The following SLC41A2 variants were observed in gnomAD, a reference collection of about 807,000 sequenced individuals.
SLC41A2 encodes the protein solute carrier family 41 member 2, also known as SLC41A1-like 1.
Under a neutral mutation model 58.3 loss-of-function variants are expected in SLC41A2, and 32 were observed. The ratio of observed to expected loss-of-function variants is 0.55; its 90% CI spans 0.41 to 0.74. The LOEUF (loss-of-function observed/expected upper bound fraction) is 0.74. SLC41A2 is among the 30% of genes least tolerant of loss of function. SLC41A2 has a pLI of 0.00. For synonymous variants in SLC41A2, 190 were observed against 235.0 expected (o/e 0.81, Z 1.75); for missense variants, 514 against 680.6 (o/e 0.76, Z 2.72).
chr12:104,869,463 A>G (rs1482685801), intron 6 of SLC41A2, among the ~76,000 whole-genome samples: 1 of 152,224 alleles, frequency 6.6e-6, no homozygotes, highest in Non-Finnish European at 1.5e-5. Flanking sequence ...GAATCCAGAT[A>G]AAGAGTATGC....
chr12:104,824,478 C>T (rs1414098135), intron 10 of SLC41A2, among the ~76,000 whole-genome samples: 1 of 152,164 alleles, frequency 6.6e-6, no homozygotes, highest in Non-Finnish European at 1.5e-5. Context: ...CCTTCTGGCT[C>T]CCCCATCTGC....
intron 8 of SLC41A2, among the ~76,000 whole-genome samples, chr12:104,850,940 C>T (rs879752648): frequency 5.3e-5 from 8 of 152,292 alleles, no homozygotes; most frequent in South Asian, 4.1e-4. Context: ...GAGCTGTGTT[C>T]TCTGTAACAT....
intron 5 of SLC41A2, among the ~76,000 whole-genome samples, chr12:104,886,936 C>G (rs1024022669): frequency 6.6e-6 from 1 of 151,950 alleles, no homozygotes; most frequent in Non-Finnish European, 1.5e-5. Flanking sequence ...TATTAAGCAG[C>G]AGGACATAAT....
intron 6 of SLC41A2, among the ~76,000 whole-genome samples, chr12:104,884,565 G>A (rs1486476640): frequency 6.6e-6 from 1 of 152,046 alleles, no homozygotes; most frequent in Non-Finnish European, 1.5e-5. Context: ...ATGTTCCTGG[G>A]CAAACCCATA....
intron 8 of SLC41A2, among the ~76,000 whole-genome samples, chr12:104,860,212 A>G (rs2043156336): frequency 6.6e-6 from 1 of 152,122 alleles, no homozygotes; most frequent in Non-Finnish European, 1.5e-5. Flanking sequence ...CACAGGGAGA[A>G]CATCACACAC....
At chr12:104,899,705 T>C (rs868444332) in intron 3 of SLC41A2, among the ~76,000 whole-genome samples, 1 of 152,162 alleles carries the variant, frequency 6.6e-6, no homozygotes, top group African/African-American at 2.4e-5. Flanking sequence ...TAAGTTTCCA[T>C]ATGCTCTATC....
intron 8 of SLC41A2, among the ~76,000 whole-genome samples, chr12:104,848,593 A>G (rs565942905): frequency 6.6e-6 from 1 of 152,256 alleles, no homozygotes; most frequent in African/African-American, 2.4e-5. Context: ...AGTCATCACT[A>G]CAGTGCATGC....
chr12:104,918,795 T>A (rs2046454989), intron 2 of SLC41A2, among the ~76,000 whole-genome samples: 1 of 152,108 alleles, frequency 6.6e-6, no homozygotes, highest in African/African-American at 2.4e-5. Flanking sequence ...AACTTTTTAT[T>A]TTGAAGTAAT....
intron 8 of SLC41A2, among the ~76,000 whole-genome samples, chr12:104,859,881 C>A (rs901970064): frequency 6.6e-6 from 1 of 151,688 alleles, no homozygotes; most frequent in Admixed American, 6.6e-5. Context: ...GGACTACAGG[C>A]GTGTACCACC....
At chr12:104,918,628 G>GAAAAAAAAAAAAAA (rs34865307) in intron 2 of SLC41A2, among the ~76,000 whole-genome samples, 1 of 111,506 alleles carries the variant, frequency 9.0e-6, no homozygotes, top group Admixed American at 9.8e-5. Context: ...GGAGATACAT[G>GAAAAAAAAAAAAAA]AAAAAAAAAA....
intron 1 of SLC41A2, among the ~76,000 whole-genome samples, chr12:104,929,857 A>G (rs1431640839): frequency 6.6e-6 from 1 of 152,224 alleles, no homozygotes; most frequent in Non-Finnish European, 1.5e-5. Flanking sequence ...GAAAACTACT[A>G]TATTCCTCAG....
intron 10 of SLC41A2, among the ~76,000 whole-genome samples, chr12:104,824,604 C>T (rs145781292): frequency 1.5e-3 from 226 of 152,280 alleles, no homozygotes; most frequent in Middle Eastern, 0.01. Flanking sequence ...TCTGTCCTTG[C>T]GATAAGGCAG....
At chr12:104,857,563 T>C (rs376120404) in intron 8 of SLC41A2, among the ~76,000 whole-genome samples, 1 of 152,138 alleles carries the variant, frequency 6.6e-6, no homozygotes, top group Non-Finnish European at 1.5e-5. Flanking sequence ...TGTATGTTTA[T>C]TGAGGCACTA....
rs949601429 is a variant in SLC41A2 at position 104,802,050 on chromosome 12, T to C, written c.*3102A>G. ...ATATAAGGCAAGGAATCCCAATTAC[T>C]GATTTTTTTGAATGGCCTTTATTTG... is the stretch of plus-strand genomic sequence containing the variant. On this transcript the variant is annotated 3_prime_UTR_variant, in exon 11 of 11. Coordinates refer to ENST00000258538, the MANE Select transcript of SLC41A2 (RefSeq NM_001352171.3). 6.6e-6 allele frequency among the ~76,000 whole-genome samples: 1 copy of C among 152,196 alleles called. No individual in the cohort carries two copies. The highest frequency in any genetic ancestry group is 1.5e-5 in the Non-Finnish European group (1 of 68,024).
intron 1 of SLC41A2, among the ~76,000 whole-genome samples, chr12:104,957,126 AAAC>A (rs1346243544): frequency 6.6e-6 from 1 of 152,266 alleles, no homozygotes; most frequent in African/African-American, 2.4e-5. Context: ...CAAAAACTGG[AAAC>A]AACCCAAATG....
intron 1 of SLC41A2, among the ~76,000 whole-genome samples, chr12:104,957,032 C>T (rs1163451149): frequency 6.6e-6 from 1 of 152,114 alleles, no homozygotes; most frequent in Admixed American, 6.5e-5. Context: ...AATTGCCCTC[C>T]TAGGTATATA....
At chr12:104,908,262 C>CA (rs533584737) in intron 3 of SLC41A2, among the ~76,000 whole-genome samples, 6 of 151,412 alleles carry the variant, frequency 4.0e-5, no homozygotes, top group East Asian at 1.9e-4. Context: ...GATTCCGTCT[C>CA]AAAAAAAATA....
At chr12:104,817,939 C>T (rs1263842585) in intron 10 of SLC41A2, among the ~76,000 whole-genome samples, 1 of 152,058 alleles carries the variant, frequency 6.6e-6, no homozygotes, top group Non-Finnish European at 1.5e-5. Flanking sequence ...TGATACACAG[C>T]ACATGACTAC....
At position 104,923,361 on chromosome 12, in the gene SLC41A2, C is replaced by CA. The variant is rs60629926; in HGVS notation, c.555+4611dup. Among the ~76,000 whole-genome samples, 522 of 87,312 alleles carry CA rather than the reference C, an allele frequency of 6.0e-3. 5 individuals are homozygous for CA. The highest frequency in any genetic ancestry group is 0.013 in the Middle Eastern group (2 of 152). 57.3% of individuals were successfully genotyped at this position (87,312 alleles called of 152,430 possible). On this transcript the variant is annotated intron_variant, in intron 2 of 10. Transcript: ENST00000258538. ...TGGGCAACAGAGTGAGACTCCATCT[C>CA]AAAAAAAAAAAAAAAAATAGAAAGA...
Sources: gnomAD v4.1 joint callset for allele counts (sites outside exome capture counted in the v4.1 genomes callset) on GRCh38, gnomAD v4.1.1 for gene constraint, MANE v1.5 for transcripts, NCBI Gene and HGNC (gene_info 2026-07-23, HGNC 2026-07-21) for gene names.